The following FBXO11 variants were observed in gnomAD, a reference collection of about 807,000 sequenced individuals.
FBXO11 encodes the protein F-box only protein 11.
In FBXO11, 13 loss-of-function variants were observed where a neutral mutation model predicts 117.0. That is an observed-to-expected ratio of 0.11 (90% CI 0.07 to 0.18). FBXO11 has a LOEUF of 0.18. Ranked by LOEUF, FBXO11 falls within the 10% of genes least tolerant of loss-of-function variation. The pLI is 1.00. For synonymous variants in FBXO11, 490 were observed against 380.5 expected, an observed-to-expected ratio of 1.29 and a Z score of -3.35; for missense variants, 767 against 1,164.4, an observed-to-expected ratio of 0.66 and a Z score of 4.97.
intron 12 of FBXO11, among the ~76,000 whole-genome samples, 189 bp downstream of exon 12, chr2:47,822,954 T>C (rs1671496788): frequency 6.6e-6 from 1 of 152,034 alleles, no homozygotes; most frequent in South Asian, 2.1e-4. Flanking sequence ...AAAAGAAAAA[T>C]AAAAACACCA....
intron 16 of FBXO11, among the ~76,000 whole-genome samples, chr2:47,816,944 A>G (rs568402582): frequency 1.3e-5 from 2 of 152,298 alleles, no homozygotes; most frequent in East Asian, 1.9e-4. Context: ...CCTGCAACTT[A>G]AAGTCATCAG....
At chr2:47,901,114 T>TAC (rs1378293512) in intron 1 of FBXO11, among the ~76,000 whole-genome samples, 5 of 109,358 alleles carry the variant, frequency 4.6e-5, no homozygotes, top group South Asian at 2.6e-4. Context: ...TGTATATATG[T>TAC]ACACACGTGT....
intron 4 of FBXO11, 101 bp from the exon 5 acceptor site, chr2:47,836,102 G>A (rs74467836): frequency 1.7e-5 from 12 of 709,772 alleles, no homozygotes; most frequent in Non-Finnish European, 2.6e-5. Context: ...AAAAACTTGA[G>A]TAAGAAAGTA....
At chr2:47,847,525 A>G (rs530737827) in intron 1 of FBXO11, among the ~76,000 whole-genome samples, 3 of 152,078 alleles carry the variant, frequency 2.0e-5, no homozygotes, top group African/African-American at 7.2e-5. Flanking sequence ...CCTGGTCAAC[A>G]TGGTGAAACT....
chr2:47,829,158 G>C (rs1365498639), intron 11 of FBXO11, among the ~76,000 whole-genome samples: 2 of 151,936 alleles, frequency 1.3e-5, no homozygotes, highest in African/African-American at 2.4e-5. Context: ...TCCTCCCAAA[G>C]TGTTAGGATT....
At chr2:47,831,512 A>G (rs1023812824) in intron 11 of FBXO11, among the ~76,000 whole-genome samples, 1 of 151,938 alleles carries the variant, frequency 6.6e-6, no homozygotes, top group African/African-American at 2.4e-5. Flanking sequence ...ATTGCTTAAT[A>G]TTGTATAATA....
Position 47,806,926 on chromosome 2 carries a change from T to C in FBXO11, c.*1192A>G. 8.6e-7 allele frequency: 1 copy of C among 1,169,218 alleles called. No homozygotes were observed. The highest frequency in any genetic ancestry group is 1.3e-6 in the Non-Finnish European group (1 of 788,398). The allele number at this position is 1,169,218 out of a possible 1,614,324, so 72.4% of individuals were successfully genotyped here. A position where few individuals can be genotyped will look rare whatever the true frequency, so the allele number is the denominator to read the frequency against. ...GTGGTAAATTCAGACAACATTATGA[T>C]CTAATAAACTTTATTTTTTAAAAAT... On this transcript the variant is annotated 3_prime_UTR_variant, in exon 23 of 23. Transcript: ENST00000403359.
At chr2:47,863,385 G>A (rs185718676) in intron 1 of FBXO11, among the ~76,000 whole-genome samples, 1 of 152,268 alleles carries the variant, frequency 6.6e-6, no homozygotes, top group Admixed American at 6.5e-5. Flanking sequence ...GTCTACAAGT[G>A]CTCTTAAACA....
At position 47,808,114 on chromosome 2, in the gene FBXO11, G is replaced by T; in HGVS notation, c.*4C>A. The T allele has an allele frequency of 6.2e-7, 1 of 1,600,184 alleles. No individual in the cohort carries two copies. The highest frequency in any genetic ancestry group is 1.1e-5 in the South Asian group (1 of 88,138). On this transcript the variant is annotated 3_prime_UTR_variant, in exon 23 of 23. Transcript: ENST00000403359. The stretch of plus-strand genomic sequence containing the variant: ...TGGCAGGACTTTTTCTTTAGGGAAG[G>T]AATTCAGTTGTGCTGCAATGTATTA...
At chr2:47,893,933 T>C (rs1310986490) in intron 1 of FBXO11, among the ~76,000 whole-genome samples, 2 of 152,250 alleles carry the variant, frequency 1.3e-5, no homozygotes, top group African/African-American at 4.8e-5. Flanking sequence ...TCCTCCACAC[T>C]GCTTTTTGCG....
At chr2:47,810,503 G>T in intron 18 of FBXO11, 77 bp from the exon 19 acceptor site, 2 of 868,118 alleles carry the variant, frequency 2.3e-6, no homozygotes, top group East Asian at 2.8e-5. Flanking sequence ...ATTTAGGTTT[G>T]CTTTTAGTTT....
chr2:47,820,725 G>A (rs1260938836), intron 13 of FBXO11, among the ~76,000 whole-genome samples: 1 of 152,156 alleles, frequency 6.6e-6, no homozygotes, highest in African/African-American at 2.4e-5. Context: ...TAACCTCTTT[G>A]TGCCTCTGTA....
chr2:47,895,796 G>T (rs529205793), intron 1 of FBXO11, among the ~76,000 whole-genome samples: 1 of 151,990 alleles, frequency 6.6e-6, no homozygotes, highest in Admixed American at 6.6e-5. Flanking sequence ...GGTTTCAGGC[G>T]ATTCTCCTGC....
At chr2:47,808,907 G>C (rs1558400054) in intron 21 of FBXO11, 1 of 350,714 alleles carries the variant, frequency 2.9e-6, no homozygotes, top group Non-Finnish European at 5.1e-6. Flanking sequence ...ATGTTGCCCA[G>C]GCTGGTTTAG....
chr2:47,840,396 T>A (rs966300136), intron 1 of FBXO11, among the ~76,000 whole-genome samples: 1 of 151,212 alleles, frequency 6.6e-6, no homozygotes, highest in Non-Finnish European at 1.5e-5. Flanking sequence ...ATATAGTGCA[T>A]GAGATACCAG....
chr2:47,859,304 T>TA (rs1337652572), intron 1 of FBXO11, among the ~76,000 whole-genome samples: 2 of 151,828 alleles, frequency 1.3e-5, no homozygotes, highest in Non-Finnish European at 2.9e-5. Flanking sequence ...AATACAAAAA[T>TA]AAAAAATGAA....
intron 1 of FBXO11, among the ~76,000 whole-genome samples, chr2:47,868,036 G>A (rs75240149): frequency 0.054 from 8,256 of 152,048 alleles, 244 homozygotes; most frequent in Non-Finnish European, 0.069. Context: ...AACATCAGAG[G>A]AGGCAGAGAA....
intron 1 of FBXO11, among the ~76,000 whole-genome samples, chr2:47,856,655 T>C (rs974540247): frequency 3.9e-5 from 6 of 152,206 alleles, no homozygotes; most frequent in African/African-American, 1.4e-4. Flanking sequence ...CAAAACATAA[T>C]TTTAGCACAT....
At chr2:47,872,160 G>A (rs565212751) in intron 1 of FBXO11, among the ~76,000 whole-genome samples, 1 of 152,268 alleles carries the variant, frequency 6.6e-6, no homozygotes, top group East Asian at 1.9e-4. Flanking sequence ...ATCCATAAAT[G>A]TATTAGAGTT....
Sources: gnomAD v4.1 joint callset for allele counts (sites outside exome capture counted in the v4.1 genomes callset) on GRCh38, gnomAD v4.1.1 for gene constraint, MANE v1.5 for transcripts, NCBI Gene and HGNC (gene_info 2026-07-23, HGNC 2026-07-21) for gene names.